Variants in FBXO15 observed in about 807,000 individuals in gnomAD.
FBXO15 encodes the protein F-box only protein 15.
A neutral mutation model predicts 49.5 loss-of-function variants in FBXO15; 30 were observed. The observed-to-expected ratio is 0.61, with a 90% CI of 0.45 to 0.82. The LOEUF (loss-of-function observed/expected upper bound fraction) is 0.82. Ranked by LOEUF, FBXO15 falls within the 40% of genes least tolerant of loss-of-function variation. The pLI is 0.00. For missense variants in FBXO15, 591 were observed against 631.5 expected (o/e 0.94, Z 0.69); for synonymous variants, 250 against 232.7 (o/e 1.07, Z -0.68).
At chr18:74,131,891 C>T (rs765224230) in intron 3 of FBXO15, among the ~76,000 whole-genome samples, 15 of 152,166 alleles carry the variant, frequency 9.9e-5, no homozygotes, top group Non-Finnish European at 1.5e-4. Context: ...ACTGGGTGCT[C>T]TGGGGAGGCA....
chr18:74,099,333 T>C (rs1478415887), intron 8 of FBXO15: 1 of 152,090 alleles, frequency 6.6e-6, no homozygotes, highest in Non-Finnish European at 1.5e-5. Flanking sequence ...TTAAGCTTCA[T>C]AAATGAAAGA....
intron 8 of FBXO15, among the ~76,000 whole-genome samples, chr18:74,106,938 A>C (rs988971783): frequency 6.6e-6 from 1 of 152,184 alleles, no homozygotes; most frequent in Non-Finnish European, 1.5e-5. Context: ...CATTTGAAAA[A>C]CACAATGCAA....
At chr18:74,136,223 T>C (rs1410286665) in intron 2 of FBXO15, among the ~76,000 whole-genome samples, 1 of 152,206 alleles carries the variant, frequency 6.6e-6, no homozygotes, top group Non-Finnish European at 1.5e-5. Context: ...GCTCTGTTAC[T>C]CAGGCTAGAA....
intron 2 of FBXO15, among the ~76,000 whole-genome samples, chr18:74,139,268 A>C (rs1978916455): frequency 1.3e-5 from 2 of 152,234 alleles, no homozygotes; most frequent in South Asian, 2.1e-4. Context: ...CATCAGCTTC[A>C]TGAGAACATG....
At chr18:74,102,333 G>A (rs1041312275) in intron 8 of FBXO15, among the ~76,000 whole-genome samples, 1 of 151,966 alleles carries the variant, frequency 6.6e-6, no homozygotes, top group Non-Finnish European at 1.5e-5. Context: ...ATATACAAAT[G>A]GCCAACAAAC....
At chr18:74,091,751 C>T (rs1051023550) in intron 8 of FBXO15, among the ~76,000 whole-genome samples, 6 of 152,218 alleles carry the variant, frequency 3.9e-5, no homozygotes, top group Non-Finnish European at 7.3e-5. Flanking sequence ...AAAAGGTCCA[C>T]TGTTAGTTTG....
At chr18:74,073,831 G>A in intron 9 of FBXO15, 101 bp from the exon 10 acceptor site, 1 of 1,418,444 alleles carries the variant, frequency 7.0e-7, no homozygotes, top group South Asian at 1.4e-5. Context: ...TGCTGCGTGT[G>A]GCATCAAAAT....
At chr18:74,125,818 A>G (rs1170126202) in intron 6 of FBXO15, among the ~76,000 whole-genome samples, 157 bp downstream of exon 6, 3 of 152,338 alleles carry the variant, frequency 2.0e-5, no homozygotes, top group Non-Finnish European at 4.4e-5. Flanking sequence ...AGAGAGGGCC[A>G]TGTTAGCTTG....
intron 8 of FBXO15, 177 bp downstream of exon 8, chr18:74,123,191 G>A (rs939826692): frequency 8.2e-6 from 5 of 609,774 alleles, no homozygotes; most frequent in Non-Finnish European, 1.4e-5. Flanking sequence ...GTTCTGAAGA[G>A]ACTCGGTCCA....
chr18:74,126,130 G>C (rs759298443), intron 5 of FBXO15, 29 bp from the exon 6 acceptor site: 20 of 1,611,428 alleles, frequency 1.2e-5, no homozygotes, highest in Non-Finnish European at 1.6e-5. Flanking sequence ...GGAAAGGAGA[G>C]AGAGAAGTGA....
intron 9 of FBXO15, among the ~76,000 whole-genome samples, chr18:74,080,294 C>A (rs182516091): frequency 6.6e-6 from 1 of 152,186 alleles, no homozygotes; most frequent in Non-Finnish European, 1.5e-5. Flanking sequence ...ATTCTGAGGA[C>A]GGCTTAGTCT....
At chr18:74,114,871 G>A (rs73969114) in intron 8 of FBXO15, among the ~76,000 whole-genome samples, 7,268 of 152,118 alleles carry the variant, frequency 0.048, 603 homozygotes, top group African/African-American at 0.16. Context: ...CCTTGGAGGA[G>A]GAGTATGACA....
chr18:74,092,071 A>T (rs1913054135), intron 8 of FBXO15, among the ~76,000 whole-genome samples: 1 of 151,888 alleles, frequency 6.6e-6, no homozygotes, highest in Non-Finnish European at 1.5e-5. Context: ...GATTTTTTTC[A>T]TTCTTCTTGT....
chr18:74,142,700 C>T (rs1051823774), intron 1 of FBXO15, among the ~76,000 whole-genome samples: 3 of 152,132 alleles, frequency 2.0e-5, no homozygotes, highest in Admixed American at 2.0e-4. Flanking sequence ...TTAGGACCCT[C>T]CCTCATCCAG....
intron 8 of FBXO15, among the ~76,000 whole-genome samples, chr18:74,109,052 AAAAGAAGTTCTTC>A: frequency 6.6e-6 from 1 of 152,278 alleles, no homozygotes; most frequent in South Asian, 2.1e-4. Context: ...CCTGCCTTGT[AAAAGAAGTTCTTC>A]AAAGAAAAGG....
intron 4 of FBXO15, among the ~76,000 whole-genome samples, chr18:74,130,069 C>T (rs1978319792): frequency 6.6e-6 from 1 of 152,144 alleles, no homozygotes; most frequent in Admixed American, 6.5e-5. Flanking sequence ...CTATGCACCT[C>T]CTCCCGTATT....
intron 8 of FBXO15, among the ~76,000 whole-genome samples, chr18:74,103,909 T>C (rs934231868): frequency 6.6e-6 from 1 of 152,136 alleles, no homozygotes; most frequent in Non-Finnish European, 1.5e-5. Flanking sequence ...TAAATACTAA[T>C]ATGTGAAAAG....
At chr18:74,093,096 G>A (rs1462910915) in intron 8 of FBXO15, among the ~76,000 whole-genome samples, 1 of 152,186 alleles carries the variant, frequency 6.6e-6, no homozygotes, top group Non-Finnish European at 1.5e-5. Flanking sequence ...CAGGCCTGCT[G>A]TTGTCCATGC....
At chr18:74,085,976 A>T (rs910554491) in intron 8 of FBXO15, among the ~76,000 whole-genome samples, 2 of 152,240 alleles carry the variant, frequency 1.3e-5, no homozygotes, top group Admixed American at 6.5e-5. Context: ...TTTCATAATA[A>T]GTCATCAGAT....
Sources: allele counts gnomAD v4.1 joint callset (sites outside exome capture counted in the v4.1 genomes callset), GRCh38; gene constraint gnomAD v4.1.1; transcripts MANE v1.5; gene names NCBI Gene and HGNC (gene_info 2026-07-23, HGNC 2026-07-21).